NSD1: variants seen among roughly 807,000 people sequenced by gnomAD.
NSD1 encodes the protein nuclear receptor binding SET domain protein 1, also known as histone-lysine N-methyltransferase, H3 lysine-36 specific.
NSD1 carries 26 observed loss-of-function variants against 242.7 expected under a neutral mutation model. The ratio of observed to expected loss-of-function variants is 0.11; its 90% CI spans 0.08 to 0.15. NSD1 has a LOEUF of 0.15. Among genes scored for constraint, NSD1 ranks in the 10% least tolerant of loss-of-function variants. The probability of loss-of-function intolerance (pLI) is 1.00; values close to 1 mark genes in which losing one functional copy is unlikely to be tolerated. For missense variants in NSD1, 2,495 were observed against 3,272.8 expected, an observed-to-expected ratio of 0.76 and a Z score of 5.80; for synonymous variants, 1,106 against 1,178.1, an observed-to-expected ratio of 0.94 and a Z score of 1.25.
At chr5:177,242,079 G>A (rs1581418342) in intron 8 of NSD1, among the ~76,000 whole-genome samples, 2 of 151,762 alleles carry the variant, frequency 1.3e-5, no homozygotes, top group South Asian at 4.1e-4. Flanking sequence ...ATTGTTGTGT[G>A]TGTGCATGTG....
chr5:177,287,559 C>T (rs769066221), intron 20 of NSD1, among the ~76,000 whole-genome samples: 21 of 152,148 alleles, frequency 1.4e-4, no homozygotes, highest in Non-Finnish European at 2.8e-4. Context: ...TAGCTTGAAC[C>T]CAGGAGGCGG....
rs757822664 is a variant in NSD1, at chr5:177,280,718, C to T, written c.5776C>T (p.Pro1926Ser). Reference sequence around the variant, plus strand: ...CTATGAGTGCCACCCCACAGTGTGTCCTGCCGGAGGGCGCTGTCAAAACCA... The same window carrying T: ...CTATGAGTGCCACCCCACAGTGTGTTCTGCCGGAGGGCGCTGTCAAAACCA... ...LLYECHPTVC[P>S]AGGRCQNQCF... Residue 1926 changes from proline (P) to serine (S), a missense_variant, in exon 18 of 23, where the codon CCT becomes TCT. Physicochemically the swap from Pro to Ser is moderately conservative, Grantham distance 74. Around this residue, in one of 19 missense-constraint regions of NSD1, gnomAD observed 114 missense variants for 247.4 expected, o/e 0.46. Transcript: ENST00000439151. 1.2e-6 allele frequency: 2 copies of T among 1,614,236 alleles called. No homozygotes were observed. The highest frequency in any genetic ancestry group is 1.7e-6 in the Non-Finnish European group (2 of 1,180,038).
intron 2 of NSD1, among the ~76,000 whole-genome samples, chr5:177,190,767 T>C (rs1277779815): frequency 6.6e-6 from 1 of 151,494 alleles, no homozygotes; most frequent in Non-Finnish European, 1.5e-5. Context: ...CCTCCTGGGT[T>C]CACGCCATTC....
chr5:177,279,364 G>A (rs1160269447), intron 17 of NSD1, among the ~76,000 whole-genome samples: 2 of 152,070 alleles, frequency 1.3e-5, no homozygotes, highest in African/African-American at 4.8e-5. Flanking sequence ...CGGGCTTGGT[G>A]GTGTGTGCCT....
At chr5:177,272,039 G>A (rs1274022384) in intron 16 of NSD1, among the ~76,000 whole-genome samples, 4 of 152,062 alleles carry the variant, frequency 2.6e-5, no homozygotes, top group Non-Finnish European at 4.4e-5. Flanking sequence ...GAGGAAAATC[G>A]CTGGAACCCG....
At position 177,295,797 on chromosome 5, in the gene NSD1, G is replaced by T; in HGVS notation, c.*338G>T. 1 of 458,170 alleles carries T rather than the reference G, an allele frequency of 2.2e-6. No homozygotes were observed. Among genetic ancestry groups the T allele is most frequent in the Non-Finnish European group, 4.0e-6 (1 of 248,170 alleles). The allele number at this position is 458,170 out of a possible 1,614,324, so 28.4% of individuals were successfully genotyped here. A position where few individuals can be genotyped will look rare whatever the true frequency, so the allele number is the denominator to read the frequency against. On this transcript the variant is annotated 3_prime_UTR_variant, in exon 23 of 23. Coordinates refer to ENST00000439151, the MANE Select transcript of NSD1 (RefSeq NM_022455.5). The surrounding 1 kb of genome is among the most constrained non-coding windows in gnomAD (Gnocchi z 4.3). ...TCAATTCCGCTGGTCAGGTTGGAAGGTATAGGGGCTCTCAAAGCGATTTCC... is the reference window on the plus strand; with the variant it reads ...TCAATTCCGCTGGTCAGGTTGGAAGTTATAGGGGCTCTCAAAGCGATTTCC...
In NSD1 at chr5:177,243,247, C is replaced by T. The variant is rs536073271; in HGVS notation, c.4303-948C>T. Among the ~76,000 whole-genome samples, 140 of 152,200 alleles carry T rather than the reference C, an allele frequency of 9.2e-4. 1 individual carries two copies. Among genetic ancestry groups the T allele is most frequent in the Non-Finnish European group, 1.4e-3 (95 of 68,008 alleles). ...CCCAGGCTGTTGTAGTGCAGTGGCG[C>T]GATCTTGGCTCAGTGCAACCTCCGC... On this transcript the variant is annotated intron_variant, in intron 8 of 22. Transcript: ENST00000439151.
At chr5:177,274,164 A>G (rs537778427) in intron 17 of NSD1, among the ~76,000 whole-genome samples, 1 of 152,160 alleles carries the variant, frequency 6.6e-6, no homozygotes, top group Non-Finnish European at 1.5e-5. Flanking sequence ...CAAAAAAAAG[A>G]AGAAAAAAAG....
At chr5:177,257,228 C>CTTT (rs373383515) in intron 13 of NSD1, 77 bp downstream of exon 13, 1,159 of 737,712 alleles carry the variant, frequency 1.6e-3, no homozygotes, top group Non-Finnish European at 2.0e-3. Context: ...TTTTTTCTTT[C>CTTT]TTTTTTTTTT....
At chr5:177,242,479 C>T (rs1216360999) in intron 8 of NSD1, among the ~76,000 whole-genome samples, 1 of 151,532 alleles carries the variant, frequency 6.6e-6, no homozygotes, top group Non-Finnish European at 1.5e-5. Flanking sequence ...GTTTTACTTC[C>T]AAACATTAGG....
At chr5:177,158,641 G>T (rs1581159999) in intron 2 of NSD1, among the ~76,000 whole-genome samples, 1 of 151,742 alleles carries the variant, frequency 6.6e-6, no homozygotes, top group East Asian at 1.9e-4. Context: ...TCCGGGCGTG[G>T]GTTCTAAATT....
Position 177,280,821 on chromosome 5 carries a change from C to G in NSD1, c.5879C>G (p.Thr1960Arg). The change falls in exon 18 of 23, where the codon ACA (threonine) becomes AGA (arginine). Residue 1960 changes from threonine to arginine, a missense_variant. Transcript: ENST00000439151. ...LQRGWGLRTK[T>R]DIKKGEFVNE... ...CGGGGTTGGGGTCTACGGACAAAAA[C>G]AGATATTAAAAAGGTTAGAAAAAGC... The G allele has an allele frequency of 1.9e-6, 3 of 1,614,200 alleles. No individual in the cohort carries two copies. Among genetic ancestry groups the G allele is most frequent in the Non-Finnish European group, 1.7e-6 (2 of 1,180,032 alleles).
In NSD1 at chr5:177,248,289, G is replaced by A. The variant is rs1766459877; in HGVS notation, c.4606G>A (p.Gly1536Ser). 1.2e-6 allele frequency: 2 copies of A among 1,613,982 alleles called. No individual in the cohort carries two copies. Among genetic ancestry groups the A allele is most frequent in the Non-Finnish European group, 8.5e-7 (1 of 1,179,946 alleles). ...PASKKMQGER[G>S]GGAALKENVC... ...CTCTAAAAAAATGCAGGGTGAACGC[G>A]GTGGAGGAGCTGCACTCAAGGAGAA... is the stretch of plus-strand genomic sequence containing the variant. Residue 1536 changes from glycine to serine, a missense_variant, in exon 11 of 23, where the codon GGT becomes AGT. Physicochemically the swap from Gly to Ser is moderately conservative, Grantham distance 56. This residue lies in a region of NSD1 where 5 missense variants were observed against 40.8 expected (regional missense o/e 0.12). Transcript: ENST00000439151.
At chr5:177,258,606 G>A (rs1756729133) in intron 13 of NSD1, among the ~76,000 whole-genome samples, 2 of 151,784 alleles carry the variant, frequency 1.3e-5, no homozygotes, top group Admixed American at 6.6e-5. Context: ...CTCGATCTTG[G>A]CTCACTGCAA....
intron 2 of NSD1, among the ~76,000 whole-genome samples, chr5:177,168,737 T>A (rs533271292): frequency 6.6e-6 from 1 of 152,132 alleles, no homozygotes; most frequent in Non-Finnish European, 1.5e-5. Flanking sequence ...CTGGGATTGC[T>A]GGCATGAGCC....
In NSD1 at chr5:177,299,077, G is replaced by A. The variant is rs1487146289; in HGVS notation, c.*3618G>A. On this transcript the variant is annotated 3_prime_UTR_variant, in exon 23 of 23. Transcript: ENST00000439151. ...GCTGTGGGAGCCTGTCATTGGCTAT[G>A]GCCAGTTAGTTCTCAGCTGAGCTTC... 4.3e-6 allele frequency: 1 copy of A among 233,032 alleles called. No individual in the cohort carries two copies. Among genetic ancestry groups the A allele is most frequent in the African/African-American group, 2.2e-5 (1 of 45,330 alleles). The allele number at this position is 233,032 out of a possible 1,614,324, so 14.4% of individuals were successfully genotyped here.
At chr5:177,178,228 T>A (rs569125169) in intron 2 of NSD1, among the ~76,000 whole-genome samples, 1 of 152,178 alleles carries the variant, frequency 6.6e-6, no homozygotes, top group African/African-American at 2.4e-5. Flanking sequence ...TTTGATTGAT[T>A]GATTGATTGA....
chr5:177,257,228 CTTTTTTTT>C (rs373383515), intron 13 of NSD1, 77 bp downstream of exon 13: 6 of 739,676 alleles, frequency 8.1e-6, no homozygotes, highest in East Asian at 5.9e-5. Context: ...TTTTTTCTTT[CTTTTTTTT>C]TTTTTTTTTT....
intron 2 of NSD1, among the ~76,000 whole-genome samples, chr5:177,159,921 G>C (rs973043071): frequency 2.2e-4 from 33 of 150,086 alleles, no homozygotes; most frequent in African/African-American, 8.1e-4. Flanking sequence ...ATGGAGTCTC[G>C]CTCTGTGGCC....
Sources: allele counts gnomAD v4.1 joint callset (sites outside exome capture counted in the v4.1 genomes callset), GRCh38; gene constraint gnomAD v4.1.1; regional missense constraint gnomAD v4.1.1; non-coding constraint Gnocchi (gnomAD v3.1); transcripts MANE v1.5; gene names NCBI Gene and HGNC (gene_info 2026-07-23, HGNC 2026-07-21).